ERN1: variants seen among roughly 807,000 people sequenced by gnomAD.
ERN1 encodes the protein endoplasmic reticulum to nucleus signaling 1.
In ERN1, 39 loss-of-function variants were observed where a neutral mutation model predicts 113.1. The observed-to-expected ratio is 0.34, with a 90% CI of 0.27 to 0.45. The LOEUF is 0.45. Among genes scored for constraint, ERN1 ranks in the 20% least tolerant of loss-of-function variants. ERN1 has a pLI of 1.00. For synonymous variants in ERN1, 507 were observed against 515.9 expected (o/e 0.98, Z 0.23); for missense variants, 976 against 1,274.8 (o/e 0.77, Z 3.57).
intron 12 of ERN1, 78 bp downstream of exon 12, chr17:64,057,724 G>T: frequency 7.5e-7 from 1 of 1,338,446 alleles, no homozygotes; most frequent in Non-Finnish European, 1.1e-6. Context: ...GTTTTTGTCT[G>T]GATCTCACTG....
chr17:64,121,604 C>T (rs1914957543), intron 1 of ERN1, among the ~76,000 whole-genome samples: 1 of 152,200 alleles, frequency 6.6e-6, no homozygotes, highest in Non-Finnish European at 1.5e-5. Context: ...ATTCTTCTGC[C>T]TCAGCCTCAT....
rs536114964 is a variant in ERN1 at position 64,054,331 on chromosome 17, G to A, written c.1872C>T (p.Asn624=). 7 of 1,613,386 alleles carry A rather than the reference G, an allele frequency of 4.3e-6. No individual in the cohort carries two copies. The highest frequency in any genetic ancestry group is 3.3e-5 in the South Asian group (3 of 90,846). The change falls in exon 15 of 22, where the codon AAC becomes AAT. Residue 624 remains asparagine (N), a synonymous_variant. Transcript: ENST00000433197. The surrounding 1 kb of genome is among the most constrained non-coding windows in gnomAD (Gnocchi z 4.9). ...TCTCCGTGCAGAAGTAGCGGATCAC[G>A]TTCGGGTGCTCATCCGATTCTCGCA... ...QLLRESDEHP[N]VIRYFCTEKD... is the part of the protein sequence containing the mutation.
chr17:64,098,629 A>G (rs1914298817), intron 1 of ERN1: 1 of 516,024 alleles, frequency 1.9e-6, no homozygotes, highest in African/African-American at 1.9e-5. Context: ...GCCAATACCC[A>G]CGCATACACA....
chr17:64,062,813 C>G (rs57611819), intron 10 of ERN1, among the ~76,000 whole-genome samples: 70 of 152,190 alleles, frequency 4.6e-4, no homozygotes, highest in African/African-American at 1.6e-3. Flanking sequence ...TTAATAAAAA[C>G]GTATTATTAT....
intron 8 of ERN1, among the ~76,000 whole-genome samples, chr17:64,065,722 C>A (rs961304559): frequency 6.6e-6 from 1 of 152,086 alleles, no homozygotes; most frequent in Non-Finnish European, 1.5e-5. Flanking sequence ...TTCTAAGGAT[C>A]CTGGAGGTTT....
intron 2 of ERN1, among the ~76,000 whole-genome samples, chr17:64,084,728 G>A (rs771819341): frequency 7.9e-5 from 12 of 152,110 alleles, no homozygotes; most frequent in African/African-American, 1.9e-4. Context: ...TTACACAGTG[G>A]TTCATAAATC....
chr17:64,090,463 C>G (rs1914057488), intron 2 of ERN1, among the ~76,000 whole-genome samples: 1 of 151,192 alleles, frequency 6.6e-6, no homozygotes, highest in African/African-American at 2.5e-5. Context: ...CAATTCAACA[C>G]TACAGCCTGT....
At position 64,044,458 on chromosome 17, in the gene ERN1, C is replaced by T. The variant is rs1912447681; in HGVS notation, c.2722-258G>A. On this transcript the variant is annotated intron_variant, in intron 21 of 21. Transcript: ENST00000433197. The surrounding 1 kb of genome is among the most constrained non-coding windows in gnomAD (Gnocchi z 4.1). Reference sequence around the variant, plus strand: ...TCAGGCCTTCTGTGACAGTCAGGACCTGGAGACACTCCTGGCCACCTCAGG... The same window carrying T: ...TCAGGCCTTCTGTGACAGTCAGGACTTGGAGACACTCCTGGCCACCTCAGG... Among the ~76,000 whole-genome samples, 1 of 152,244 alleles carries T rather than the reference C, an allele frequency of 6.6e-6. No individual in the cohort carries two copies. The highest frequency in any genetic ancestry group is 2.4e-5 in the African/African-American group (1 of 41,458).
Position 64,076,158 on chromosome 17 carries a change from C to T in ERN1, c.283-911G>A, listed in dbSNP as rs115930749. The stretch of plus-strand genomic sequence containing the variant: ...TTCTGAGTCTACAGCTGACATCTGA[C>T]GAGCTCTTTTGGTTAATGCTTGTTT... On this transcript the variant is annotated intron_variant, in intron 4 of 21. Transcript: ENST00000433197. 7.1e-3 allele frequency among the ~76,000 whole-genome samples: 1,081 copies of T among 152,278 alleles called. 10 individuals are homozygous for T. The highest frequency in any genetic ancestry group is 0.025 in the African/African-American group (1,031 of 41,534).
chr17:64,078,183 CCAA>C (rs1489439761), intron 4 of ERN1, among the ~76,000 whole-genome samples: 1 of 152,234 alleles, frequency 6.6e-6, no homozygotes, highest in African/African-American at 2.4e-5. Context: ...CTCCACATCA[CCAA>C]CATGTTTTCT....
intron 2 of ERN1, among the ~76,000 whole-genome samples, chr17:64,097,370 T>C (rs969035681): frequency 1.3e-5 from 2 of 152,238 alleles, no homozygotes; most frequent in Non-Finnish European, 2.9e-5. Context: ...GTGAAAGTAA[T>C]GAGTCACAGA....
Position 64,049,230 on chromosome 17 carries a change from T to A in ERN1, c.2254-28A>T. 6.5e-7 allele frequency: 1 copy of A among 1,547,292 alleles called. No individual in the cohort carries two copies. The highest frequency in any genetic ancestry group is 1.2e-5 in the South Asian group (1 of 84,052). On this transcript the variant is annotated intron_variant, in intron 17 of 21. Coordinates refer to ENST00000433197, the MANE Select transcript of ERN1 (RefSeq NM_001433.5). This position sits in a 1 kb window ranked among gnomAD's most constrained non-coding sequence, Gnocchi z 4.7. Reference sequence around the variant, plus strand: ...GAAAAGAGACATGAGGCGTGAGAGGTCTGGGAGCAGAGTTTTCATCCTCAC... The same window carrying A: ...GAAAAGAGACATGAGGCGTGAGAGGACTGGGAGCAGAGTTTTCATCCTCAC...
chr17:64,071,579 C>T (rs931302820), intron 6 of ERN1, among the ~76,000 whole-genome samples: 1 of 152,128 alleles, frequency 6.6e-6, no homozygotes, highest in Non-Finnish European at 1.5e-5. Context: ...TGCCACCACA[C>T]CTGACTAATT....
intron 1 of ERN1, chr17:64,102,997 A>G: frequency 2.0e-6 from 2 of 978,896 alleles, no homozygotes; most frequent in Non-Finnish European, 2.4e-6. Context: ...AGTGGCAGGC[A>G]TCTAGTCTAG....
chr17:64,044,931 G>C lies in ERN1; in HGVS notation c.2654-4C>G, dbSNP rs747907366. On this transcript the variant is annotated splice_region_variant and splice_polypyrimidine_tract_variant and intron_variant, in intron 20 of 21. Coordinates refer to ENST00000433197, the MANE Select transcript of ERN1 (RefSeq NM_001433.5). The surrounding 1 kb of genome is among the most constrained non-coding windows in gnomAD (Gnocchi z 4.1). ...TAGGTCCTGAATTTACGCAGGTCTA[G>C]AAAAACATTGAGGGAAGCAATGGGT... 14 of 1,580,612 alleles carry C rather than the reference G, an allele frequency of 8.9e-6. No individual in the cohort carries two copies. In the South Asian group the frequency reaches 1.5e-4, roughly 17 times the overall value.
chr17:64,103,299 C>T (rs1914435682), intron 1 of ERN1, among the ~76,000 whole-genome samples: 1 of 152,054 alleles, frequency 6.6e-6, no homozygotes, highest in African/African-American at 2.4e-5. Context: ...GAATTCAAGA[C>T]CAGCCTGGCC....
At chr17:64,071,153 G>A (rs1316038315) in intron 6 of ERN1, among the ~76,000 whole-genome samples, 1 of 152,236 alleles carries the variant, frequency 6.6e-6, no homozygotes, top group Admixed American at 6.5e-5. Context: ...ATGACGAGGG[G>A]TGAGATGGCT....
intron 1 of ERN1, among the ~76,000 whole-genome samples, chr17:64,118,861 A>G (rs1914879008): frequency 6.6e-6 from 1 of 152,164 alleles, no homozygotes; most frequent in African/African-American, 2.4e-5. Context: ...AGGGGAAGGG[A>G]GTGTCACAGC....
intron 8 of ERN1, among the ~76,000 whole-genome samples, 181 bp downstream of exon 8, chr17:64,066,490 T>A (rs924244030): frequency 7.9e-5 from 12 of 152,216 alleles, no homozygotes; most frequent in Admixed American, 5.2e-4. Context: ...GAAGTGTTAA[T>A]GGGTGCCCCT....
Sources: gnomAD v4.1 joint callset for allele counts (sites outside exome capture counted in the v4.1 genomes callset) on GRCh38, gnomAD v4.1.1 for gene constraint, Gnocchi (gnomAD v3.1) non-coding constraint, MANE v1.5 for transcripts, NCBI Gene and HGNC (gene_info 2026-07-23, HGNC 2026-07-21) for gene names.